PLAC8L1: variants seen among roughly 807,000 people sequenced by gnomAD.
PLAC8L1 encodes PLAC8 like 1, also known as PLAC8-like protein 1.
In PLAC8L1, 13 loss-of-function variants were observed where a neutral mutation model predicts 16.3. The observed-to-expected ratio is 0.80, with a 90% CI of 0.52 to 1.27. PLAC8L1 has a LOEUF of 1.27. Ranked by LOEUF, PLAC8L1 falls within the 50% of genes most tolerant of loss-of-function variation. The probability of loss-of-function intolerance (pLI) is 0.00; values close to 1 mark genes in which losing one functional copy is unlikely to be tolerated. For synonymous variants in PLAC8L1, 78 were observed against 79.3 expected (o/e 0.98, Z 0.09); for missense variants, 184 against 220.2 (o/e 0.84, Z 1.04).
chr5:146,084,535 C>A lies in PLAC8L1; in HGVS notation c.431G>T (p.Cys144Phe), dbSNP rs1189485164. The change falls in exon 4 of 4, where the codon TGT (cysteine) becomes TTT (phenylalanine). Residue 144 changes from cysteine (C) to phenylalanine (F), a missense_variant. Coordinates refer to ENST00000311450, the MANE Select transcript of PLAC8L1 (RefSeq NM_001029869.3). ...CACCTGGCAGATGGAAAAAGCCCAA[C>A]AGCAGTGCACCGCCAGCCAGTCTTC... ...LCEDWLAVHC[C>F]WAFSICQVAR... The A allele has an allele frequency of 6.2e-7, 1 of 1,614,066 alleles. No homozygotes were observed. The highest frequency in any genetic ancestry group is 1.1e-5 in the South Asian group (1 of 91,090).
chr5:146,086,700 G>A (rs1382502066), intron 2 of PLAC8L1, among the ~76,000 whole-genome samples: 1 of 152,108 alleles, frequency 6.6e-6, no homozygotes, highest in Non-Finnish European at 1.5e-5. Flanking sequence ...CAATTTCACG[G>A]AGTTCATGTA....
Position 146,104,335 on chromosome 5 carries a change from T to C in PLAC8L1, c.-24A>G, listed in dbSNP as rs1296201994. The C allele has an allele frequency of 1.0e-5, 16 of 1,563,096 alleles. No individual in the cohort carries two copies. Among genetic ancestry groups the C allele is most frequent in the Non-Finnish European group, 1.4e-5 (16 of 1,133,944 alleles). ...ATAGTGAGAAGTGTTTTCTTGTCCT[T>C]TGGGCTATCCTTTTTCCCTTTGGCA... On this transcript the variant is annotated 5_prime_UTR_variant, in exon 1 of 4. Coordinates refer to ENST00000311450, the MANE Select transcript of PLAC8L1 (RefSeq NM_001029869.3).
At chr5:146,100,471 G>C (rs900508889) in intron 1 of PLAC8L1, among the ~76,000 whole-genome samples, 1 of 149,876 alleles carries the variant, frequency 6.7e-6, no homozygotes, top group Admixed American at 6.8e-5. Context: ...ATAAATTAAT[G>C]CTCAATTAAA....
Position 146,104,215 on chromosome 5 carries a change from C to A in PLAC8L1, c.97G>T (p.Glu33Ter), listed in dbSNP as rs1375754831. The change falls in exon 1 of 4, where the codon GAA becomes TAA. Residue 33 changes from glutamate (E) to a stop codon, truncating the protein, a stop_gained. Transcript: ENST00000311450. LOFTEE classifies it high-confidence loss of function. The part of the protein sequence containing the change: ...PLLSHMSSED[E>*]HFISNLRGHV... ...TACCTCAAGTTGGAAATAAAATGTT[C>A]ATCTTCAGATGACATGTGTGACAAC... 1 of 1,613,706 alleles carries A rather than the reference C, an allele frequency of 6.2e-7. No individual in the cohort carries two copies. Among genetic ancestry groups the A allele is most frequent in the South Asian group, 1.1e-5 (1 of 90,992 alleles).
chr5:146,088,137 T>A (rs1257149047), intron 2 of PLAC8L1, among the ~76,000 whole-genome samples: 1 of 152,160 alleles, frequency 6.6e-6, no homozygotes, highest in Non-Finnish European at 1.5e-5. Context: ...CCTGGCTAAC[T>A]TTTTTTCTTA....
At chr5:146,089,113 A>G (rs1763567736) in intron 2 of PLAC8L1, among the ~76,000 whole-genome samples, 1 of 152,204 alleles carries the variant, frequency 6.6e-6, no homozygotes, top group African/African-American at 2.4e-5. Flanking sequence ...TTGTACAGAA[A>G]TTGTTTAAGT....
At position 146,100,424 on chromosome 5, in the gene PLAC8L1, GA is replaced by G. The variant is rs200352814; in HGVS notation, c.120-2133del. Among the ~76,000 whole-genome samples, 11 of 147,826 alleles carry G rather than the reference GA, an allele frequency of 7.4e-5. No homozygotes were observed. The South Asian group carries it at 1.3e-3, about 17-fold the overall frequency. Reference sequence around the variant, plus strand: ...ATGAGCTTTCTAGGAACCTACCATGGAAAAAAAAAATTGGCTCCAAAATATA... The same window carrying G: ...ATGAGCTTTCTAGGAACCTACCATGGAAAAAAAAATTGGCTCCAAAATATA... On this transcript the variant is annotated intron_variant, in intron 1 of 3. Transcript: ENST00000311450.
chr5:146,092,817 A>T lies in PLAC8L1; in HGVS notation c.256+5339T>A, dbSNP rs1042937664. On this transcript the variant is annotated intron_variant, in intron 2 of 3. Transcript: ENST00000311450. The stretch of plus-strand genomic sequence containing the variant: ...TCCCAAAGTGCTGGGATTACAGGCG[A>T]GAGCCACCGCACCCGGCCGAATTTG... Among the ~76,000 whole-genome samples the T allele has an allele frequency of 2.0e-5, 3 of 152,186 alleles. No homozygotes were observed. The South Asian group carries it at 6.2e-4, about 31-fold the overall frequency.
chr5:146,098,315 T>G, intron 1 of PLAC8L1, 23 bp from the exon 2 acceptor site: 1 of 1,608,240 alleles, frequency 6.2e-7, no homozygotes, highest in Non-Finnish European at 8.5e-7. Flanking sequence ...GGATGATGAT[T>G]AACTTGGAAA....
At position 146,104,342 on chromosome 5, in the gene PLAC8L1, A is replaced by G. The variant is rs1460070638; in HGVS notation, c.-31T>C. On this transcript the variant is annotated 5_prime_UTR_variant, in exon 1 of 4. Transcript: ENST00000311450. ...GAAGTGTTTTCTTGTCCTTTGGGCT[A>G]TCCTTTTTCCCTTTGGCAATAAGCT... 5 of 1,540,458 alleles carry G rather than the reference A, an allele frequency of 3.2e-6. No individual in the cohort carries two copies. Among genetic ancestry groups the G allele is most frequent in the African/African-American group, 2.7e-5 (2 of 73,572 alleles).
intron 2 of PLAC8L1, among the ~76,000 whole-genome samples, chr5:146,094,045 T>G (rs572203579): frequency 2.6e-5 from 4 of 152,286 alleles, no homozygotes; most frequent in African/African-American, 9.6e-5. Flanking sequence ...CTGCAATTAT[T>G]TTGTTTATAG....
intron 2 of PLAC8L1, among the ~76,000 whole-genome samples, chr5:146,095,144 T>C (rs1004793926): frequency 3.3e-5 from 5 of 152,220 alleles, no homozygotes; most frequent in Non-Finnish European, 7.3e-5. Flanking sequence ...AGTTTTCTTC[T>C]AAGACAATTA....
At chr5:146,103,785 G>A (rs1452515491) in intron 1 of PLAC8L1, 1 of 985,212 alleles carries the variant, frequency 1.0e-6, no homozygotes, top group African/African-American at 1.7e-5. Context: ...GGTGTTACAT[G>A]TCACTCTTCC....
intron 2 of PLAC8L1, among the ~76,000 whole-genome samples, chr5:146,095,246 A>G (rs1019562987): frequency 1.3e-5 from 2 of 152,202 alleles, no homozygotes; most frequent in African/African-American, 4.8e-5. Flanking sequence ...AACCCTATCC[A>G]TGGCCTTTCA....
In PLAC8L1 at chr5:146,102,222, A is replaced by T. The variant is rs530567041; in HGVS notation, c.119+1971T>A. Among the ~76,000 whole-genome samples the T allele has an allele frequency of 7.6e-4, 115 of 151,654 alleles. 1 individual carries two copies. Among genetic ancestry groups the T allele is most frequent in the African/African-American group, 2.5e-3 (105 of 41,372 alleles). The stretch of plus-strand genomic sequence containing the variant: ...AGGCACATGCCACCATGCCCAGCTA[A>T]TTTTTTTTAATTTTTTGTAGAGATA... On this transcript the variant is annotated intron_variant, in intron 1 of 3. Transcript: ENST00000311450.
chr5:146,098,392 T>C, intron 1 of PLAC8L1, 100 bp from the exon 2 acceptor site: 1 of 1,210,978 alleles, frequency 8.3e-7, no homozygotes. Context: ...AGGGACCCAA[T>C]GATGCCAAGG....
intron 2 of PLAC8L1, among the ~76,000 whole-genome samples, chr5:146,090,421 G>A (rs1251277426): frequency 1.3e-5 from 2 of 151,378 alleles, no homozygotes; most frequent in African/African-American, 4.9e-5. Flanking sequence ...TGTAATCCCA[G>A]CTACTCAGGA....
chr5:146,101,219 A>AAAAAG (rs1763811278), intron 1 of PLAC8L1, among the ~76,000 whole-genome samples: 1 of 141,642 alleles, frequency 7.1e-6, no homozygotes, highest in African/African-American at 2.5e-5. Context: ...AAAAAAAAAA[A>AAAAAG]ATAGGTGGCC....
At chr5:146,090,134 G>T (rs114736560) in intron 2 of PLAC8L1, among the ~76,000 whole-genome samples, 146 of 152,296 alleles carry the variant, frequency 9.6e-4, no homozygotes, top group African/African-American at 3.3e-3. Flanking sequence ...CACACCCCAA[G>T]AAGGGATGCA....
Sources: allele counts gnomAD v4.1 joint callset (sites outside exome capture counted in the v4.1 genomes callset), GRCh38; gene constraint gnomAD v4.1.1; transcripts MANE v1.5; gene names NCBI Gene and HGNC (gene_info 2026-07-23, HGNC 2026-07-21).